ADGRL4: variants seen among roughly 807,000 people sequenced by gnomAD.
The protein encoded by ADGRL4 is EGF, latrophilin and seven transmembrane domain containing 1.
Under a neutral mutation model 74.8 loss-of-function variants are expected in ADGRL4, and 90 were observed. The ratio of observed to expected loss-of-function variants is 1.20; its 90% CI spans 1.02 to 1.43. The LOEUF (loss-of-function observed/expected upper bound fraction) is 1.43. Ranked by LOEUF, ADGRL4 falls within the 40% of genes most tolerant of loss-of-function variation. The probability of loss-of-function intolerance (pLI) is 0.00; values close to 1 mark genes in which losing one functional copy is unlikely to be tolerated. For missense variants in ADGRL4, 881 were observed against 814.3 expected (o/e 1.08, Z -1.00); for synonymous variants, 311 against 279.2 (o/e 1.11, Z -1.14).
intron 12 of ADGRL4, among the ~76,000 whole-genome samples, chr1:78,896,248 T>A (rs1412315861): frequency 3.3e-5 from 5 of 152,110 alleles, no homozygotes; most frequent in Non-Finnish European, 7.4e-5. Flanking sequence ...GTCCCTTCAT[T>A]ATTTGATCTA....
intron 2 of ADGRL4, among the ~76,000 whole-genome samples, chr1:78,958,615 T>C (rs1049014839): frequency 3.9e-5 from 6 of 152,186 alleles, no homozygotes; most frequent in African/African-American, 1.4e-4. Context: ...GATGAGGAGT[T>C]GCTTCTTATG....
intron 2 of ADGRL4, among the ~76,000 whole-genome samples, chr1:78,981,664 T>A (rs1650399735): frequency 6.6e-6 from 1 of 151,908 alleles, no homozygotes; most frequent in African/African-American, 2.4e-5. Context: ...AGTCCTGAAA[T>A]GACTAAAAAT....
At chr1:78,911,554 A>G (rs934171565) in intron 12 of ADGRL4, among the ~76,000 whole-genome samples, 1 of 151,752 alleles carries the variant, frequency 6.6e-6, no homozygotes, top group African/African-American at 2.4e-5. Flanking sequence ...TATAATAATC[A>G]TATCTTGCTA....
intron 1 of ADGRL4, among the ~76,000 whole-genome samples, chr1:79,006,143 G>T (rs929512400): frequency 1.3e-5 from 2 of 152,178 alleles, no homozygotes; most frequent in Non-Finnish European, 2.9e-5. Flanking sequence ...AACATTAGTT[G>T]TCCTTATCAG....
At chr1:78,975,494 T>C (rs1412686916) in intron 2 of ADGRL4, among the ~76,000 whole-genome samples, 2 of 152,132 alleles carry the variant, frequency 1.3e-5, no homozygotes, top group Admixed American at 1.3e-4. Flanking sequence ...CCCTCTTAAA[T>C]GGTCTTACAT....
intron 2 of ADGRL4, among the ~76,000 whole-genome samples, chr1:78,966,050 G>C (rs1002582355): frequency 8.6e-5 from 13 of 151,726 alleles, no homozygotes; most frequent in African/African-American, 2.7e-4. Context: ...ATTTTGGTTG[G>C]GAAAAGCCAT....
chr1:78,965,824 C>T (rs1006457377), intron 2 of ADGRL4, among the ~76,000 whole-genome samples: 1 of 152,120 alleles, frequency 6.6e-6, no homozygotes, highest in African/African-American at 2.4e-5. Flanking sequence ...CTGAAGAACA[C>T]AGCATTAGAG....
chr1:78,970,942 G>A (rs774080064), intron 2 of ADGRL4, among the ~76,000 whole-genome samples: 3 of 152,118 alleles, frequency 2.0e-5, no homozygotes, highest in East Asian at 1.9e-4. Context: ...TTTACCAGTC[G>A]GGCTTTTGGT....
chr1:78,891,803 T>C, intron 13 of ADGRL4, 111 bp from the exon 14 acceptor site: 1 of 881,178 alleles, frequency 1.1e-6, no homozygotes, highest in East Asian at 2.7e-5. Context: ...AAGAAACCTT[T>C]TACAAATAGA....
intron 7 of ADGRL4, among the ~76,000 whole-genome samples, chr1:78,931,143 G>C (rs1425708654): frequency 6.6e-6 from 1 of 151,082 alleles, no homozygotes; most frequent in Non-Finnish European, 1.5e-5. Context: ...ATTCTCCAAG[G>C]CCAAAATTAA....
At chr1:78,938,628 A>C (rs1649410516) in intron 4 of ADGRL4, among the ~76,000 whole-genome samples, 1 of 152,098 alleles carries the variant, frequency 6.6e-6, no homozygotes, top group Admixed American at 6.5e-5. Context: ...TAGTACTTAT[A>C]AATATTGATA....
chr1:78,941,215 G>A (rs2100691204), intron 3 of ADGRL4, among the ~76,000 whole-genome samples: 1 of 152,310 alleles, frequency 6.6e-6, no homozygotes, highest in East Asian at 1.9e-4. Flanking sequence ...AACCATCAAG[G>A]AAAGCATTCT....
chr1:78,987,275 G>A (rs1226099409), intron 2 of ADGRL4, among the ~76,000 whole-genome samples: 2 of 151,660 alleles, frequency 1.3e-5, no homozygotes, highest in African/African-American at 2.4e-5. Flanking sequence ...ATTCCAATGG[G>A]GAAACGCACT....
chr1:78,973,239 A>G, intron 2 of ADGRL4, among the ~76,000 whole-genome samples: 1 of 152,130 alleles, frequency 6.6e-6, no homozygotes, highest in East Asian at 1.9e-4. Flanking sequence ...TTTTTACTCC[A>G]TATAACAGAG....
At chr1:78,971,099 AG>A (rs972617309) in intron 2 of ADGRL4, among the ~76,000 whole-genome samples, 7 of 152,102 alleles carry the variant, frequency 4.6e-5, no homozygotes, top group African/African-American at 1.7e-4. Flanking sequence ...ATGGTCATGC[AG>A]TCATGTGACT....
intron 2 of ADGRL4, among the ~76,000 whole-genome samples, chr1:78,947,553 G>T (rs1041527707): frequency 6.6e-6 from 1 of 152,122 alleles, no homozygotes; most frequent in South Asian, 2.1e-4. Context: ...CCAGAGCTGT[G>T]AGAGAATAAA....
At chr1:79,003,840 G>A (rs549449427) in intron 2 of ADGRL4, among the ~76,000 whole-genome samples, 13 of 152,060 alleles carry the variant, frequency 8.5e-5, no homozygotes, top group African/African-American at 3.1e-4. Context: ...TTGCTACAAT[G>A]CCATTCAATT....
At chr1:78,952,516 A>G (rs180895431) in intron 2 of ADGRL4, among the ~76,000 whole-genome samples, 3 of 152,076 alleles carry the variant, frequency 2.0e-5, no homozygotes, top group Admixed American at 1.3e-4. Flanking sequence ...GTAAAAATAC[A>G]GGTAAAGAGA....
At chr1:78,972,240 T>A (rs1650185242) in intron 2 of ADGRL4, among the ~76,000 whole-genome samples, 1 of 152,320 alleles carries the variant, frequency 6.6e-6, no homozygotes, top group South Asian at 2.1e-4. Flanking sequence ...TTTATCTCCA[T>A]GGCATATCAC....
Sources: gnomAD v4.1 joint callset for allele counts (sites outside exome capture counted in the v4.1 genomes callset) on GRCh38, gnomAD v4.1.1 for gene constraint, MANE v1.5 for transcripts, NCBI Gene and HGNC (gene_info 2026-07-23, HGNC 2026-07-21) for gene names.